The following ENTREP2 variants were observed in gnomAD, a reference collection of about 807,000 sequenced individuals.
ENTREP2 encodes endosomal transmembrane epsin interactor 2.
chr15:29,215,568 A>AAT, the ENTREP2 span, among the ~76,000 whole-genome samples: 66 of 118,680 alleles, frequency 5.6e-4, no homozygotes, highest in East Asian at 0.018. Flanking sequence ...AATAAACTCA[A>AAT]ATATATATAA....
chr15:29,350,130 C>A, the ENTREP2 span, among the ~76,000 whole-genome samples: 1 of 152,090 alleles, frequency 6.6e-6, no homozygotes, highest in Non-Finnish European at 1.5e-5. Context: ...AATCTGCCTA[C>A]AAAACTATCT....
the ENTREP2 span, among the ~76,000 whole-genome samples, chr15:29,373,192 A>G: frequency 6.6e-6 from 1 of 152,048 alleles, no homozygotes; most frequent in Non-Finnish European, 1.5e-5. Flanking sequence ...TAAAAATAAA[A>G]ATAAGGAAAT....
chr15:29,284,345 G>A, the ENTREP2 span, among the ~76,000 whole-genome samples: 2 of 152,010 alleles, frequency 1.3e-5, no homozygotes, highest in Admixed American at 6.6e-5. Flanking sequence ...ATCACTTGAG[G>A]TCAGGAGTTC....
the ENTREP2 span, among the ~76,000 whole-genome samples, chr15:29,158,719 A>G: frequency 6.6e-6 from 1 of 152,208 alleles, no homozygotes; most frequent in African/African-American, 2.4e-5. Flanking sequence ...AAAACGGCGA[A>G]TATGAGAGAG....
the ENTREP2 span, among the ~76,000 whole-genome samples, chr15:29,471,243 A>G: frequency 6.6e-6 from 1 of 152,234 alleles, no homozygotes; most frequent in Non-Finnish European, 1.5e-5. Context: ...TCATTGGTAG[A>G]AAAGGCTCCA....
chr15:29,268,988 G>A, the ENTREP2 span: 2 of 1,614,132 alleles, frequency 1.2e-6, no homozygotes, highest in South Asian at 1.1e-5. Flanking sequence ...GGGTCGGTGT[G>A]GGGTATCCGC....
the ENTREP2 span, among the ~76,000 whole-genome samples, chr15:29,133,361 C>G: frequency 3.3e-5 from 5 of 152,318 alleles, no homozygotes; most frequent in Admixed American, 3.3e-4. Context: ...CAATTACTGA[C>G]TCAGGAGCCC....
chr15:29,670,373 G>T, the ENTREP2 span, among the ~76,000 whole-genome samples: 1 of 152,112 alleles, frequency 6.6e-6, no homozygotes, highest in Middle Eastern at 3.4e-3. Context: ...GGTTCCAGCG[G>T]TGATTCCCAG....
At chr15:29,138,639 A>G in the ENTREP2 span, among the ~76,000 whole-genome samples, 8 of 150,770 alleles carry the variant, frequency 5.3e-5, no homozygotes, top group South Asian at 1.3e-3. Context: ...GCATGTGTAT[A>G]TGTGTATGTG....
the ENTREP2 span, among the ~76,000 whole-genome samples, chr15:29,278,294 A>C: frequency 6.6e-6 from 1 of 152,246 alleles, no homozygotes; most frequent in African/African-American, 2.4e-5. Context: ...CATGCGGAGA[A>C]GAGGGCTTGC....
the ENTREP2 span, among the ~76,000 whole-genome samples, chr15:29,324,106 A>ATT: frequency 1.3e-5 from 2 of 149,920 alleles, no homozygotes; most frequent in African/African-American, 2.4e-5. Context: ...ACATAGTAGA[A>ATT]TTTTTTTTTT....
the ENTREP2 span, among the ~76,000 whole-genome samples, chr15:29,660,389 T>C: frequency 6.6e-6 from 1 of 152,174 alleles, no homozygotes; most frequent in Non-Finnish European, 1.5e-5. Flanking sequence ...CTGTCCATCC[T>C]GTGAGGACAC....
chr15:29,544,691 A>G, the ENTREP2 span, among the ~76,000 whole-genome samples: 3 of 152,170 alleles, frequency 2.0e-5, no homozygotes, highest in African/African-American at 7.2e-5. Context: ...GGAAGGTGCT[A>G]CATCTGCCTC....
the ENTREP2 span, among the ~76,000 whole-genome samples, chr15:29,657,974 C>T: frequency 4.0e-5 from 6 of 150,920 alleles, 1 homozygote; most frequent in South Asian, 2.1e-4. Context: ...GCTATTAATA[C>T]GTGAAAGAAG....
the ENTREP2 span, among the ~76,000 whole-genome samples, chr15:29,478,012 TATATATA>T: frequency 3.1e-4 from 23 of 73,932 alleles, no homozygotes; most frequent in East Asian, 1.5e-3. Flanking sequence ...TATATATATA[TATATATA>T]TTTTTTTTTT....
At chr15:29,233,674 C>T in the ENTREP2 span, 3 of 1,025,280 alleles carry the variant, frequency 2.9e-6, no homozygotes, top group Admixed American at 1.7e-5. Context: ...GATGGATGGG[C>T]ATAGCGCATC....
chr15:29,259,341 C>T, the ENTREP2 span, among the ~76,000 whole-genome samples: 1 of 152,132 alleles, frequency 6.6e-6, no homozygotes, highest in South Asian at 2.1e-4. Context: ...CCTTCTTGAC[C>T]AATCTCTAGC....
At chr15:29,425,195 T>G in the ENTREP2 span, among the ~76,000 whole-genome samples, 2 of 93,550 alleles carry the variant, frequency 2.1e-5, no homozygotes, top group Non-Finnish European at 5.1e-5. Context: ...CGTCCAGGTT[T>G]TTTGTTTTTT....
the ENTREP2 span, among the ~76,000 whole-genome samples, chr15:29,618,203 C>T: frequency 6.6e-6 from 1 of 152,086 alleles, no homozygotes; most frequent in African/African-American, 2.4e-5. Context: ...TCGGGCAGAT[C>T]ACAAGGTCAG....
Sources: gnomAD v4.1 joint callset for allele counts (sites outside exome capture counted in the v4.1 genomes callset) on GRCh38, gnomAD v4.1.1 for gene constraint, MANE v1.5 for transcripts, NCBI Gene and HGNC (gene_info 2026-07-23, HGNC 2026-07-21) for gene names.